KCNQ5: variants seen among roughly 807,000 people sequenced by gnomAD.
KCNQ5 encodes potassium voltage-gated channel subfamily KQT member 5.
Under a neutral mutation model 98.2 loss-of-function variants are expected in KCNQ5, and 30 were observed. The observed-to-expected ratio is 0.31, with a 90% CI of 0.23 to 0.41. The LOEUF (loss-of-function observed/expected upper bound fraction) is 0.41. KCNQ5 is among the 10% of genes least tolerant of loss of function. The pLI is 1.00. For synonymous variants in KCNQ5, 458 were observed against 449.4 expected, an observed-to-expected ratio of 1.02 and a Z score of -0.24; for missense variants, 835 against 1,182.5, an observed-to-expected ratio of 0.71 and a Z score of 4.31.
At chr6:72,637,543 A>C (rs1425515589) in intron 1 of KCNQ5, among the ~76,000 whole-genome samples, 1 of 152,154 alleles carries the variant, frequency 6.6e-6, no homozygotes, top group Non-Finnish European at 1.5e-5. Context: ...AAGGTCAAAA[A>C]GTGTTAGAAA....
chr6:73,118,557 C>T (rs1313374183), intron 7 of KCNQ5, among the ~76,000 whole-genome samples: 3 of 152,154 alleles, frequency 2.0e-5, no homozygotes, highest in Non-Finnish European at 4.4e-5. Flanking sequence ...GTTCAGCTTT[C>T]ATAGAAACTT....
At chr6:73,109,534 A>G (rs952523645) in intron 6 of KCNQ5, among the ~76,000 whole-genome samples, 1 of 152,274 alleles carries the variant, frequency 6.6e-6, no homozygotes, top group Non-Finnish European at 1.5e-5. Flanking sequence ...GGGAAAATAA[A>G]GAAATCTTTC....
At chr6:72,848,968 G>A (rs546497938) in intron 1 of KCNQ5, among the ~76,000 whole-genome samples, 39 of 152,226 alleles carry the variant, frequency 2.6e-4, no homozygotes, top group African/African-American at 9.1e-4. Flanking sequence ...TCTCAGGTAT[G>A]TCTTTATTAA....
chr6:72,933,436 G>A (rs910616222), intron 1 of KCNQ5, among the ~76,000 whole-genome samples: 15 of 152,250 alleles, frequency 9.9e-5, no homozygotes, highest in African/African-American at 3.1e-4. Context: ...GGCGGTGGAG[G>A]GGATGAGGGA....
At chr6:72,962,273 A>C (rs1767414956) in intron 1 of KCNQ5, among the ~76,000 whole-genome samples, 1 of 146,996 alleles carries the variant, frequency 6.8e-6, no homozygotes, top group African/African-American at 2.5e-5. Context: ...ATATACATAT[A>C]TATATATATG....
chr6:72,941,695 T>C (rs1766316422), intron 1 of KCNQ5, among the ~76,000 whole-genome samples: 1 of 510 alleles, frequency 2.0e-3, no homozygotes, highest in Non-Finnish European at 5.4e-3. Context: ...TTTCTTTCTT[T>C]CTTTCTTTCT....
intron 1 of KCNQ5, among the ~76,000 whole-genome samples, chr6:72,940,138 T>A (rs113541679): frequency 6.6e-6 from 1 of 152,206 alleles, no homozygotes; most frequent in African/African-American, 2.4e-5. Context: ...TCTTTGATGT[T>A]CTGAATCATA....
At chr6:73,014,346 G>A (rs1770220703) in intron 2 of KCNQ5, among the ~76,000 whole-genome samples, 1 of 152,040 alleles carries the variant, frequency 6.6e-6, no homozygotes, top group African/African-American at 2.4e-5. Context: ...TCTTATTGCA[G>A]GTTATCATTT....
intron 1 of KCNQ5, among the ~76,000 whole-genome samples, chr6:72,984,937 T>A (rs1768689576): frequency 6.6e-6 from 1 of 152,148 alleles, no homozygotes; most frequent in South Asian, 2.1e-4. Flanking sequence ...TCAGGCACAG[T>A]GGCTCACACC....
chr6:72,822,969 G>C (rs1775823526), intron 1 of KCNQ5, among the ~76,000 whole-genome samples: 1 of 152,022 alleles, frequency 6.6e-6, no homozygotes, highest in Admixed American at 6.6e-5. Context: ...GGACCCTCCT[G>C]CTTCCTTTTT....
At chr6:72,774,608 AACACAC>A (rs150113759) in intron 1 of KCNQ5, among the ~76,000 whole-genome samples, 3 of 149,624 alleles carry the variant, frequency 2.0e-5, no homozygotes, top group African/African-American at 7.3e-5. Flanking sequence ...CCAGTATATA[AACACAC>A]ACACACACAC....
chr6:73,145,007 G>A (rs1405182727), intron 10 of KCNQ5, among the ~76,000 whole-genome samples: 2 of 152,208 alleles, frequency 1.3e-5, no homozygotes, highest in Non-Finnish European at 2.9e-5. Flanking sequence ...AGCTGCAAGT[G>A]TCGTGGCCAG....
At chr6:73,124,347 A>ACACTG in intron 8 of KCNQ5, 139 bp from the exon 9 acceptor site, 2 of 737,442 alleles carry the variant, frequency 2.7e-6, no homozygotes, top group Non-Finnish European at 4.7e-6. Flanking sequence ...ATTATAAAGA[A>ACACTG]CACTGCTTTT....
rs557049156 is a variant in KCNQ5 at position 73,111,905 on chromosome 6, C to A, written c.1125+502C>A. Among the ~76,000 whole-genome samples, 3 of 152,210 alleles carry A rather than the reference C, an allele frequency of 2.0e-5. No homozygotes were observed. In the South Asian group the frequency reaches 6.2e-4, roughly 32 times the overall value. On this transcript the variant is annotated intron_variant, in intron 7 of 13. Transcript: ENST00000370398. ...AGGGCAGTTAGCGGAAATAGCTATC[C>A]TATTTTGAGAGCTGATGGGACTATG... is the stretch of plus-strand genomic sequence containing the variant.
chr6:72,684,139 C>G (rs772535807), intron 1 of KCNQ5, among the ~76,000 whole-genome samples: 1 of 152,142 alleles, frequency 6.6e-6, no homozygotes, highest in Non-Finnish European at 1.5e-5. Flanking sequence ...ACAAAAAGCC[C>G]GACATGATTC....
At chr6:72,770,164 T>C (rs1772788454) in intron 1 of KCNQ5, among the ~76,000 whole-genome samples, 1 of 152,104 alleles carries the variant, frequency 6.6e-6, no homozygotes, top group East Asian at 1.9e-4. Flanking sequence ...TAGGGAGAAA[T>C]GGATTCTAGA....
At chr6:73,133,755 GA>G in intron 10 of KCNQ5, 114 bp downstream of exon 10, 1 of 906,704 alleles carries the variant, frequency 1.1e-6, no homozygotes, top group Non-Finnish European at 1.7e-6. Flanking sequence ...CAACCCCAGA[GA>G]AAGAATTGTT....
chr6:73,041,769 C>A (rs1370785468), intron 2 of KCNQ5, among the ~76,000 whole-genome samples, 167 bp from the exon 3 acceptor site: 3 of 152,128 alleles, frequency 2.0e-5, no homozygotes, highest in African/African-American at 4.8e-5. Context: ...GGTTCAAATG[C>A]TGTCCAGATT....
At chr6:72,793,428 G>T (rs73756521) in intron 1 of KCNQ5, among the ~76,000 whole-genome samples, 7 of 152,262 alleles carry the variant, frequency 4.6e-5, no homozygotes, top group African/African-American at 1.7e-4. Flanking sequence ...CGAGGATTCT[G>T]CATTTAGGTG....
Sources: allele counts gnomAD v4.1 joint callset (sites outside exome capture counted in the v4.1 genomes callset), GRCh38; gene constraint gnomAD v4.1.1; transcripts MANE v1.5; gene names NCBI Gene and HGNC (gene_info 2026-07-23, HGNC 2026-07-21).